EFEMP1: variants seen among roughly 807,000 people sequenced by gnomAD.
EFEMP1 encodes EGF-containing fibulin-like extracellular matrix protein 1.
EFEMP1 carries 18 observed loss-of-function variants against 65.7 expected under a neutral mutation model. That is an observed-to-expected ratio of 0.27 (90% confidence interval 0.19 to 0.41). The LOEUF (loss-of-function observed/expected upper bound fraction) is 0.41. Among genes scored for constraint, EFEMP1 ranks in the 10% least tolerant of loss-of-function variants. The pLI, the probability that EFEMP1 is intolerant of heterozygous loss-of-function variation, is 1.00. For missense variants in EFEMP1, 469 were observed against 624.8 expected, an observed-to-expected ratio of 0.75 and a Z score of 2.66; for synonymous variants, 237 against 219.7, an observed-to-expected ratio of 1.08 and a Z score of -0.70.
At position 55,883,334 on chromosome 2, in the gene EFEMP1, T is replaced by A. The variant is rs1669313898; in HGVS notation, c.518-1600A>T. ...ACTGTCCTTTTTAGGTACTATGCGA[T>A]GGTGCAACAATCCTGCTTTGAAATT... On this transcript the variant is annotated intron_variant, in intron 5 of 11. Transcript: ENST00000355426. This position sits in a 1 kb window ranked among gnomAD's most constrained non-coding sequence, Gnocchi z 4.5. Among the ~76,000 whole-genome samples the A allele has an allele frequency of 6.6e-6, 1 of 152,338 alleles. No homozygotes were observed. The highest frequency in any genetic ancestry group is 2.4e-5 in the African/African-American group (1 of 41,582).
chr2:55,877,645 G>C lies in EFEMP1; in HGVS notation c.760+101C>G. On this transcript the variant is annotated intron_variant, in intron 7 of 11. Transcript: ENST00000355426. The surrounding 1 kb of genome is among the most constrained non-coding windows in gnomAD (Gnocchi z 4.5). Reference sequence around the variant, plus strand: ...TATGATTGCTGAAGGGAAGTCGATGGAAACTATTTACTCAAGAACATAGAA... The same window carrying C: ...TATGATTGCTGAAGGGAAGTCGATGCAAACTATTTACTCAAGAACATAGAA... 1.0e-5 allele frequency: 16 copies of C among 1,551,648 alleles called. No homozygotes were observed. The highest frequency in any genetic ancestry group is 1.4e-5 in the Non-Finnish European group (16 of 1,128,708).
intron 5 of EFEMP1, among the ~76,000 whole-genome samples, chr2:55,899,833 T>A (rs912428869): frequency 1.3e-5 from 2 of 152,310 alleles, no homozygotes; most frequent in Middle Eastern, 3.4e-3. Flanking sequence ...TTAAATGCAA[T>A]GCAGAATGGG....
chr2:55,877,846 G>C lies in EFEMP1; in HGVS notation c.660C>G (p.Ile220Met). The change falls in exon 7 of 12, where the codon ATC (isoleucine) becomes ATG (methionine). Residue 220 changes from isoleucine to methionine, a missense_variant. By Grantham distance (10) the Ile-to-Met change is conservative. This residue lies in a region of EFEMP1 where 399 missense variants were observed against 528.2 expected (regional missense o/e 0.76). Coordinates refer to ENST00000355426, the MANE Select transcript of EFEMP1 (RefSeq NM_001039348.3). The surrounding 1 kb of genome is among the most constrained non-coding windows in gnomAD (Gnocchi z 4.5). Reference sequence around the variant, plus strand: ...CGCATCTTTGGTGGCAATATGGAGGGATGGTACATTCATCTATGTCTAGGT... The same window carrying C: ...CGCATCTTTGGTGGCAATATGGAGGCATGGTACATTCATCTATGTCTAGGT... ...EQCVDIDECT[I>M]PPYCHQRCVN... The C allele has an allele frequency of 6.2e-7, 1 of 1,613,070 alleles. No individual in the cohort carries two copies. The highest frequency in any genetic ancestry group is 8.5e-7 in the Non-Finnish European group (1 of 1,179,228).
chr2:55,903,641 C>T (rs1670126220), intron 5 of EFEMP1, among the ~76,000 whole-genome samples: 1 of 152,134 alleles, frequency 6.6e-6, no homozygotes, highest in African/African-American at 2.4e-5. Context: ...TTCTAAAAAA[C>T]ATATTAAACA....
intron 9 of EFEMP1, 85 bp downstream of exon 9, chr2:55,874,861 G>A (rs1558460693): frequency 1.4e-6 from 2 of 1,419,408 alleles, no homozygotes; most frequent in Non-Finnish European, 1.9e-6. Context: ...AAAAATGAAA[G>A]TCTATAGGAG....
In EFEMP1 at chr2:55,877,848, T is replaced by C; in HGVS notation, c.658A>G (p.Ile220Val). ...EQCVDIDECT[I>V]PPYCHQRCVN... Reference sequence around the variant, plus strand: ...CATCTTTGGTGGCAATATGGAGGGATGGTACATTCATCTATGTCTAGGTTA... The same window carrying C: ...CATCTTTGGTGGCAATATGGAGGGACGGTACATTCATCTATGTCTAGGTTA... Residue 220 changes from isoleucine to valine, a missense_variant, in exon 7 of 12, where the codon ATC becomes GTC. By Grantham distance (29) the Ile-to-Val change is conservative (BLOSUM62 3). Transcript: ENST00000355426. This position sits in a 1 kb window ranked among gnomAD's most constrained non-coding sequence, Gnocchi z 4.5. 1 of 1,613,076 alleles carries C rather than the reference T, an allele frequency of 6.2e-7. No homozygotes were observed. Among genetic ancestry groups the C allele is most frequent in the Non-Finnish European group, 8.5e-7 (1 of 1,179,214 alleles).
chr2:55,917,888 G>T lies in EFEMP1; in HGVS notation c.294C>A (p.Thr98=). ...TQPAEGTSGA[T]TGVVAASSMA... is the part of the protein sequence containing the mutation. Reference sequence around the variant, plus strand: ...TGCTGCTGGCAGCTACAACCCCGGTGGTTGCCCCTGAGGTTCCTTCTGCTG... The same window carrying T: ...TGCTGCTGGCAGCTACAACCCCGGTTGTTGCCCCTGAGGTTCCTTCTGCTG... Residue 98 remains threonine, a synonymous_variant, in exon 5 of 12, where the codon ACC becomes ACA. Coordinates refer to ENST00000355426, the MANE Select transcript of EFEMP1 (RefSeq NM_001039348.3). This position sits in a 1 kb window ranked among gnomAD's most constrained non-coding sequence, Gnocchi z 6.3. 1.9e-6 allele frequency: 3 copies of T among 1,614,232 alleles called. No homozygotes were observed. Among genetic ancestry groups the T allele is most frequent in the Non-Finnish European group, 2.5e-6 (3 of 1,180,054 alleles).
intron 6 of EFEMP1, 32 bp downstream of exon 6, chr2:55,881,580 C>A (rs765248375): frequency 9.9e-6 from 16 of 1,612,412 alleles, no homozygotes; most frequent in African/African-American, 2.7e-5. Context: ...GTACTCAAGA[C>A]AGGACCGTGC....
At chr2:55,913,308 G>T (rs1670551184) in intron 5 of EFEMP1, among the ~76,000 whole-genome samples, 1 of 152,120 alleles carries the variant, frequency 6.6e-6, no homozygotes, top group Non-Finnish European at 1.5e-5. Context: ...AAACCCTAGG[G>T]TATGTTTTTT....
intron 5 of EFEMP1, among the ~76,000 whole-genome samples, chr2:55,913,682 G>A (rs1572845733): frequency 6.6e-6 from 1 of 151,590 alleles, no homozygotes; most frequent in South Asian, 2.1e-4. Flanking sequence ...ACTTCATCTA[G>A]TGATTTCTAA....
Position 55,871,468 on chromosome 2 carries a change from T to C in EFEMP1, c.1001-345A>G, listed in dbSNP as rs1572782070. ...GACATTATAATTGAGGGAATGTGTATATGATTACTTAGAAAGTAAAATGGA... is the reference window on the plus strand; with the variant it reads ...GACATTATAATTGAGGGAATGTGTACATGATTACTTAGAAAGTAAAATGGA... On this transcript the variant is annotated intron_variant, in intron 9 of 11. Transcript: ENST00000355426. This position sits in a 1 kb window ranked among gnomAD's most constrained non-coding sequence, Gnocchi z 4.2. Among the ~76,000 whole-genome samples, 2 of 152,168 alleles carry C rather than the reference T, an allele frequency of 1.3e-5. No individual in the cohort carries two copies. The highest frequency in any genetic ancestry group is 2.9e-5 in the Non-Finnish European group (2 of 68,018).
At chr2:55,912,196 T>G (rs1670504230) in intron 5 of EFEMP1, among the ~76,000 whole-genome samples, 1 of 152,170 alleles carries the variant, frequency 6.6e-6, no homozygotes, top group African/African-American at 2.4e-5. Context: ...TAGTCTTCCT[T>G]TTGCAAAATA....
rs962307015 is a variant in EFEMP1, at chr2:55,873,909, A to G, written c.1000+1037T>C. On this transcript the variant is annotated intron_variant, in intron 9 of 11. Transcript: ENST00000355426. This position sits in a 1 kb window ranked among gnomAD's most constrained non-coding sequence, Gnocchi z 4.6. ...ATCTTTATTGTCCTTGTGTGCCTTCACTCCAACTCTGATTAAAAAGGACTC... is the reference window on the plus strand; with the variant it reads ...ATCTTTATTGTCCTTGTGTGCCTTCGCTCCAACTCTGATTAAAAAGGACTC... Among the ~76,000 whole-genome samples, 7 of 151,586 alleles carry G rather than the reference A, an allele frequency of 4.6e-5. No homozygotes were observed. The highest frequency in any genetic ancestry group is 4.2e-4 in the South Asian group (2 of 4,818).
chr2:55,870,805 T>C lies in EFEMP1; in HGVS notation c.1235A>G (p.Gln412Arg). 6.2e-7 allele frequency: 1 copy of C among 1,613,900 alleles called. No individual in the cohort carries two copies. ...SDRSVPSDIF[Q>R]IQATTIYANT... Reference sequence around the variant, plus strand: ...GGCATAAATAGTTGTGGCCTGTATCTGGAAGATGTCTGATGGCACAGACCT... The same window carrying C: ...GGCATAAATAGTTGTGGCCTGTATCCGGAAGATGTCTGATGGCACAGACCT... Residue 412 changes from glutamine to arginine, a missense_variant, in exon 11 of 12, where the codon CAG (glutamine) becomes CGG (arginine). Transcript: ENST00000355426. The surrounding 1 kb of genome is among the most constrained non-coding windows in gnomAD (Gnocchi z 5.8).
Position 55,922,492 on chromosome 2 carries a change from G to T in EFEMP1, c.-7-45C>A. The T allele has an allele frequency of 6.4e-7, 1 of 1,570,568 alleles. No homozygotes were observed. On this transcript the variant is annotated intron_variant, in intron 2 of 11. Transcript: ENST00000355426. This position sits in a 1 kb window ranked among gnomAD's most constrained non-coding sequence, Gnocchi z 5.5. ...AAACTAATGTTTAGTATCTGCTGCG[G>T]GGAAAGTAACAAAACTTTAGCAGTG...
intron 5 of EFEMP1, among the ~76,000 whole-genome samples, chr2:55,910,462 G>T (rs1670440941): frequency 6.6e-6 from 1 of 152,118 alleles, no homozygotes; most frequent in East Asian, 1.9e-4. Context: ...TTACTCTTTG[G>T]TTTCAAAGAA....
At position 55,923,322 on chromosome 2, in the gene EFEMP1, C is replaced by T. The variant is rs1447676587; in HGVS notation, c.-48-383G>A. 6.6e-6 allele frequency among the ~76,000 whole-genome samples: 1 copy of T among 152,184 alleles called. No individual in the cohort carries two copies. Among genetic ancestry groups the T allele is most frequent in the East Asian group, 1.9e-4 (1 of 5,174 alleles). On this transcript the variant is annotated intron_variant, in intron 1 of 11. Coordinates refer to ENST00000355426, the MANE Select transcript of EFEMP1 (RefSeq NM_001039348.3). This position sits in a 1 kb window ranked among gnomAD's most constrained non-coding sequence, Gnocchi z 5.3. ...CCGGCAGGGAGATGAGGTCCCCTTT[C>T]TTAACAGCAAGCTAACGCGGCGGTC...
intron 5 of EFEMP1, among the ~76,000 whole-genome samples, chr2:55,908,912 C>A (rs1214915820): frequency 2.6e-5 from 4 of 152,098 alleles, no homozygotes; most frequent in Admixed American, 2.6e-4. Context: ...CTAGTGTTCC[C>A]AATTACTAGT....
intron 6 of EFEMP1, 131 bp downstream of exon 6, chr2:55,881,481 G>T: frequency 8.6e-7 from 1 of 1,156,296 alleles, no homozygotes; most frequent in Non-Finnish European, 1.3e-6. Context: ...TGGATTGGTA[G>T]TCTATAAAAA....
Sources: allele counts gnomAD v4.1 joint callset (sites outside exome capture counted in the v4.1 genomes callset), GRCh38; gene constraint gnomAD v4.1.1; regional missense constraint gnomAD v4.1.1; non-coding constraint Gnocchi (gnomAD v3.1); transcripts MANE v1.5; gene names NCBI Gene and HGNC (gene_info 2026-07-23, HGNC 2026-07-21).